STXBP5L: variants seen among roughly 807,000 people sequenced by gnomAD.
STXBP5L encodes syntaxin binding protein 5L.
STXBP5L carries 65 observed loss-of-function variants against 144.5 expected under a neutral mutation model. The ratio of observed to expected loss-of-function variants is 0.45; its 90% confidence interval spans 0.37 to 0.55. The LOEUF is 0.55. STXBP5L is among the 20% of genes least tolerant of loss of function. STXBP5L has a pLI of 0.00. For missense variants in STXBP5L, 1,298 were observed against 1,405.5 expected (o/e 0.92, Z 1.22); for synonymous variants, 505 against 469.6 (o/e 1.08, Z -0.97).
chr3:121,267,671 G>T (rs2050611533), intron 18 of STXBP5L, among the ~76,000 whole-genome samples: 1 of 151,994 alleles, frequency 6.6e-6, no homozygotes, highest in Admixed American at 6.6e-5. Context: ...TCTGACAAAG[G>T]TCTAATATCT....
At chr3:120,967,357 C>T (rs1229498056) in intron 3 of STXBP5L, among the ~76,000 whole-genome samples, 4 of 152,118 alleles carry the variant, frequency 2.6e-5, no homozygotes, top group African/African-American at 9.7e-5. Flanking sequence ...GTTGGAAATG[C>T]AGAAATCACC....
intron 3 of STXBP5L, among the ~76,000 whole-genome samples, chr3:120,992,133 CT>C (rs1401345972): frequency 3.3e-5 from 5 of 151,858 alleles, no homozygotes; most frequent in Admixed American, 1.3e-4. Flanking sequence ...CTGCTTTTTT[CT>C]TTAAAAAAAC....
intron 20 of STXBP5L, among the ~76,000 whole-genome samples, chr3:121,349,250 C>G (rs1468356037): frequency 3.3e-5 from 5 of 152,088 alleles, no homozygotes; most frequent in African/African-American, 1.2e-4. Context: ...TGTTCAGTTT[C>G]CATGAAGTTG....
At chr3:121,312,398 G>A (rs377414712) in intron 19 of STXBP5L, among the ~76,000 whole-genome samples, 13 of 56,290 alleles carry the variant, frequency 2.3e-4, no homozygotes, top group Admixed American at 3.8e-4. Context: ...TTTTATGGCA[G>A]AAAAATGTAG....
intron 5 of STXBP5L, among the ~76,000 whole-genome samples, chr3:121,098,501 A>T (rs1297092160): frequency 6.6e-6 from 1 of 152,224 alleles, no homozygotes; most frequent in Non-Finnish European, 1.5e-5. Flanking sequence ...ACTCTATAAG[A>T]TTAGTCATCA....
Position 121,091,587 on chromosome 3 carries a change from G to A in STXBP5L, c.471-23338G>A, listed in dbSNP as rs1379955473. On this transcript the variant is annotated intron_variant, in intron 5 of 26. Transcript: ENST00000471454. ...CTGCATAAATGTCTTCTTTTGAGAAGTGTATGTTCATGTCCTTCGCCCACT... is the reference window on the plus strand; with the variant it reads ...CTGCATAAATGTCTTCTTTTGAGAAATGTATGTTCATGTCCTTCGCCCACT... 6.6e-5 allele frequency among the ~76,000 whole-genome samples: 10 copies of A among 152,286 alleles called. No homozygotes were observed. In the East Asian group the frequency reaches 1.2e-3, roughly 18 times the overall value.
intron 10 of STXBP5L, among the ~76,000 whole-genome samples, chr3:121,215,805 T>C (rs957734041): frequency 6.6e-6 from 1 of 152,242 alleles, no homozygotes; most frequent in Non-Finnish European, 1.5e-5. Context: ...GTTTTCCAAC[T>C]CTGTTCCATT....
Position 121,419,218 on chromosome 3 carries a change from A to G in STXBP5L, c.*121A>G. The stretch of plus-strand genomic sequence containing the variant: ...CTACAAAATGTTCCATTTACAGTCA[A>G]TCTGAAATTTTCATAAAAGAGATGT... On this transcript the variant is annotated 3_prime_UTR_variant, in exon 27 of 27. Coordinates refer to ENST00000471454, the MANE Select transcript of STXBP5L (RefSeq NM_001308330.2). The G allele has an allele frequency of 9.9e-7, 1 of 1,006,648 alleles. No individual in the cohort carries two copies. The highest frequency in any genetic ancestry group is 1.4e-6 in the Non-Finnish European group (1 of 696,242). The allele number at this position is 1,006,648 out of a possible 1,614,324, so 62.4% of individuals were successfully genotyped here.
At position 121,084,283 on chromosome 3, in the gene STXBP5L, G is replaced by T. The variant is rs1303142132; in HGVS notation, c.471-30642G>T. ...ACATAGGTAAACTTGTGCCATGTTGGCTTGCTGCACCTATCAACCTATCAC... is the reference window on the plus strand; with the variant it reads ...ACATAGGTAAACTTGTGCCATGTTGTCTTGCTGCACCTATCAACCTATCAC... On this transcript the variant is annotated intron_variant, in intron 5 of 26. Transcript: ENST00000471454. 1.3e-5 allele frequency among the ~76,000 whole-genome samples: 2 copies of T among 152,220 alleles called. 1 individual carries two copies. Among genetic ancestry groups the T allele is most frequent in the South Asian group, 4.1e-4 (2 of 4,824 alleles).
intron 19 of STXBP5L, among the ~76,000 whole-genome samples, chr3:121,301,024 A>G (rs1028760703): frequency 6.6e-6 from 1 of 152,192 alleles, no homozygotes; most frequent in Non-Finnish European, 1.5e-5. Flanking sequence ...TGATTTGGCA[A>G]TGCGGGATCT....
chr3:121,257,478 T>C, intron 17 of STXBP5L, 145 bp downstream of exon 17: 1 of 660,050 alleles, frequency 1.5e-6, no homozygotes, highest in Non-Finnish European at 2.4e-6. Flanking sequence ...GGTCTTTTCT[T>C]TGAACATCTG....
chr3:121,002,950 T>A lies in STXBP5L; in HGVS notation c.288-38750T>A, dbSNP rs183749988. On this transcript the variant is annotated intron_variant, in intron 3 of 26. Coordinates refer to ENST00000471454, the MANE Select transcript of STXBP5L (RefSeq NM_001308330.2). ...TGTGCAACATTTTCTTGATCCAGTCTATTATTGTTGGACATTTGGCTTGGT... is the reference window on the plus strand; with the variant it reads ...TGTGCAACATTTTCTTGATCCAGTCAATTATTGTTGGACATTTGGCTTGGT... Among the ~76,000 whole-genome samples, 510 of 152,336 alleles carry A rather than the reference T, an allele frequency of 3.3e-3. 12 individuals are homozygous for A. The highest frequency in any genetic ancestry group is 0.03 in the Admixed American group (461 of 15,296).
At chr3:121,000,808 C>T (rs1363317710) in intron 3 of STXBP5L, among the ~76,000 whole-genome samples, 1 of 152,074 alleles carries the variant, frequency 6.6e-6, no homozygotes, top group Non-Finnish European at 1.5e-5. Flanking sequence ...TTCTTTGCTA[C>T]CTTTGAATGT....
rs35656223 is a variant in STXBP5L, at chr3:120,984,632, C to CTTTTTTTTTTTTTTTT, written c.287+29602_287+29617dup. Among the ~76,000 whole-genome samples, 43 of 71,962 alleles carry CTTTTTTTTTTTTTTTT rather than the reference C, an allele frequency of 6.0e-4. 1 individual carries two copies. Among genetic ancestry groups the CTTTTTTTTTTTTTTTT allele is most frequent in the African/African-American group, 1.8e-3 (30 of 16,282 alleles). 47.2% of individuals were successfully genotyped at this position (71,962 alleles called of 152,430 possible). Reference sequence around the variant, plus strand: ...TGGATGCCTTTCATTTCTTTCTTTCCTTTTTTTTTTTTTTTTTTTTTTGCC... The same window carrying CTTTTTTTTTTTTTTTT: ...TGGATGCCTTTCATTTCTTTCTTTCCTTTTTTTTTTTTTTTTTTTTTTTTTTTTTTTTTTTTTTGCC... On this transcript the variant is annotated intron_variant, in intron 3 of 26. Transcript: ENST00000471454.
intron 5 of STXBP5L, among the ~76,000 whole-genome samples, chr3:121,052,169 C>T (rs925458677): frequency 2.0e-5 from 3 of 152,166 alleles, no homozygotes; most frequent in Non-Finnish European, 4.4e-5. Context: ...GGAGCTGGTA[C>T]CATTCCTTCT....
chr3:121,160,425 T>C (rs2046279538), intron 9 of STXBP5L, among the ~76,000 whole-genome samples: 3 of 152,112 alleles, frequency 2.0e-5, no homozygotes, highest in Non-Finnish European at 2.9e-5. Context: ...AAATTTAAAA[T>C]AATACAAATA....
intron 20 of STXBP5L, among the ~76,000 whole-genome samples, chr3:121,352,985 T>G (rs1283829373): frequency 6.6e-6 from 1 of 152,188 alleles, no homozygotes. Flanking sequence ...GGATTATGTT[T>G]ATTTATTTGC....
chr3:121,045,495 A>C lies in STXBP5L; in HGVS notation c.430A>C (p.Arg144=), dbSNP rs1466904723. 1 of 1,613,280 alleles carries C rather than the reference A, an allele frequency of 6.2e-7. No homozygotes were observed. The highest frequency in any genetic ancestry group is 8.5e-7 in the Non-Finnish European group (1 of 1,179,476). The change falls in exon 5 of 27, where the codon AGG becomes CGG. Residue 144 remains arginine (R), a synonymous_variant. Transcript: ENST00000471454. The stretch of plus-strand genomic sequence containing the variant: ...TCATTTGTGGAACCTTAGACAAAAA[A>C]GGCCAGCCATACTCCATTCTCTTAA... ...TLHLWNLRQK[R]PAILHSLKFN... is the part of the protein sequence containing the mutation.
At chr3:121,316,621 T>A (rs1247490065) in intron 19 of STXBP5L, among the ~76,000 whole-genome samples, 1 of 152,208 alleles carries the variant, frequency 6.6e-6, no homozygotes, top group African/African-American at 2.4e-5. Context: ...ATAATTTATA[T>A]AAAGTATTTA....
Sources: allele counts gnomAD v4.1 joint callset (sites outside exome capture counted in the v4.1 genomes callset), GRCh38; gene constraint gnomAD v4.1.1; transcripts MANE v1.5; gene names NCBI Gene and HGNC (gene_info 2026-07-23, HGNC 2026-07-21).